Variants in AHNAK2 observed in about 807,000 individuals in gnomAD.
AHNAK2 encodes protein AHNAK2.
A neutral mutation model predicts 30.7 loss-of-function variants in AHNAK2; 18 were observed. The observed-to-expected ratio is 0.59, with a 90% CI of 0.41 to 0.87. The LOEUF (loss-of-function observed/expected upper bound fraction) is 0.87, where lower values mean the gene tolerates loss of function less well. AHNAK2 is among the 40% of genes least tolerant of loss of function. The pLI is 0.00. For synonymous variants in AHNAK2, 3,590 were observed against 3,073.8 expected, an observed-to-expected ratio of 1.17 and a Z score of -5.56; for missense variants, 8,604 against 7,373.0, an observed-to-expected ratio of 1.17 and a Z score of -6.11.
rs765202962 is a variant in AHNAK2, at chr14:104,944,369, G to A, written c.11082C>T (p.Asp3694=). ...TDLSIQPPSA[D]LKVQAGQMDV... ...CCATCTGGCCAGCCTGGACCTTCAG[G>A]TCGGCAGAAGGGGGCTGAATGCTGA... Residue 3694 remains aspartate, a synonymous_variant, in exon 7 of 7, where the codon GAC becomes GAT. Transcript: ENST00000333244. The A allele has an allele frequency of 6.2e-7, 1 of 1,612,598 alleles. No individual in the cohort carries two copies. The highest frequency in any genetic ancestry group is 1.1e-5 in the South Asian group (1 of 90,996).
intron 1 of AHNAK2, 46 bp downstream of exon 1, chr14:104,978,137 G>C (rs1899644202): frequency 2.5e-6 from 3 of 1,204,802 alleles, no homozygotes; most frequent in Non-Finnish European, 3.1e-6. Flanking sequence ...CTCGCGCGTA[G>C]CCCACCCGCC....
rs746811924 is a variant in AHNAK2, at chr14:104,942,761, G to A, written c.12690C>T (p.Ala4230=). The change falls in exon 7 of 7, where the codon GCC becomes GCT. Residue 4230 remains alanine, a synonymous_variant. Coordinates refer to ENST00000333244, the MANE Select transcript of AHNAK2 (RefSeq NM_138420.4). ...QMPCLKMPKV[A]LKGPQVDVKG... is the part of the protein sequence containing the mutation. Reference sequence around the variant, plus strand: ...TGACATCCACCTGGGGGCCCTTGAGGGCCACTTTGGGCATCTTCAAACAGG... The same window carrying A: ...TGACATCCACCTGGGGGCCCTTGAGAGCCACTTTGGGCATCTTCAAACAGG... 5.0e-6 allele frequency: 8 copies of A among 1,612,966 alleles called. No homozygotes were observed. The highest frequency in any genetic ancestry group is 1.7e-5 in the Admixed American group (1 of 59,964).
Position 104,945,349 on chromosome 14 carries a change from G to A in AHNAK2, c.10102C>T (p.Gln3368Ter). Reference sequence around the variant, plus strand: ...AGCTTCACGTCCACCTGGCCAGCCTGGACCTCCAGGTCCACAGAAGGGAGC... The same window carrying A: ...AGCTTCACGTCCACCTGGCCAGCCTAGACCTCCAGGTCCACAGAAGGGAGC... Reference protein sequence around the residue: ...IQLPSVDLEVQAGQVDVKLPE... With the variant: ...IQLPSVDLEV The change falls in exon 7 of 7, where the codon CAG (glutamine) becomes TAG (stop). Residue 3368 changes from glutamine (Q) to a stop codon, truncating the protein, a stop_gained. Transcript: ENST00000333244. LOFTEE classifies it low-confidence loss of function (END_TRUNC). The A allele has an allele frequency of 6.2e-7, 1 of 1,612,662 alleles. No individual in the cohort carries two copies. The highest frequency in any genetic ancestry group is 8.5e-7 in the Non-Finnish European group (1 of 1,179,526).
Position 104,945,681 on chromosome 14 carries a change from C to T in AHNAK2, c.9770G>A (p.Gly3257Asp), listed in dbSNP as rs1464240835. Residue 3257 changes from glycine (G) to aspartate (D), a missense_variant, in exon 7 of 7, where the codon GGC (glycine) becomes GAC (aspartate). Transcript: ENST00000333244. ...GGGGGCCGTCACATCCATCTTCGGG[C>T]CTTTCAGGTCCAGCTTGGGGCCCTT... ...DIKGPKLDLK[G>D]PKMDVTAPDV... The T allele has an allele frequency of 6.3e-7, 1 of 1,591,870 alleles. No individual in the cohort carries two copies. Among genetic ancestry groups the T allele is most frequent in the East Asian group, 2.2e-5 (1 of 44,462 alleles).
At chr14:104,968,210 G>A (rs543914319) in intron 1 of AHNAK2, among the ~76,000 whole-genome samples, 1 of 152,314 alleles carries the variant, frequency 6.6e-6, no homozygotes, top group East Asian at 1.9e-4. Flanking sequence ...ACCTTGTGGA[G>A]GGACCCCGGG....
At position 104,953,233 on chromosome 14, in the gene AHNAK2, C is replaced by T. The variant is rs775722611; in HGVS notation, c.2218G>A (p.Asp740Asn). 4 of 1,613,068 alleles carry T rather than the reference C, an allele frequency of 2.5e-6. No individual in the cohort carries two copies. Among genetic ancestry groups the T allele is most frequent in the Middle Eastern group, 1.7e-4 (1 of 6,050 alleles). Residue 740 changes from aspartate to asparagine, a missense_variant, in exon 7 of 7, where the codon GAT becomes AAT. Coordinates refer to ENST00000333244, the MANE Select transcript of AHNAK2 (RefSeq NM_138420.4). ...ADLEVQDGQVDVKLPEGPLPE... is the reference protein window; with the variant it reads ...ADLEVQDGQVNVKLPEGPLPE... Reference sequence around the variant, plus strand: ...AGGGGGCCCTCCGGAAGTTTCACATCCACTTGGCCATCCTGGACCTCCAGG... The same window carrying T: ...AGGGGGCCCTCCGGAAGTTTCACATTCACTTGGCCATCCTGGACCTCCAGG...
At chr14:104,956,081 C>T (rs867068656) in intron 4 of AHNAK2, among the ~76,000 whole-genome samples, 8 of 152,034 alleles carry the variant, frequency 5.3e-5, no homozygotes, top group African/African-American at 1.2e-4. Context: ...GTGCAGCCTG[C>T]GAGACCTGGG....
rs760627353 is a variant in AHNAK2, at chr14:104,945,136, C to T, written c.10315G>A (p.Val3439Met). ...VPDVEVSLPSVEVDVQAPRAK... is the reference protein window; with the variant it reads ...VPDVEVSLPSMEVDVQAPRAK... ...CTCGGGGCCTGGACGTCCACCTCCACGCTGGGCAGAGACACCTCCACATCA... is the reference window on the plus strand; with the variant it reads ...CTCGGGGCCTGGACGTCCACCTCCATGCTGGGCAGAGACACCTCCACATCA... The change falls in exon 7 of 7, where the codon GTG (valine) becomes ATG (methionine). Residue 3439 changes from valine (V) to methionine (M), a missense_variant. Transcript: ENST00000333244. 64 of 1,612,626 alleles carry T rather than the reference C, an allele frequency of 4.0e-5. 1 individual carries two copies. Among genetic ancestry groups the T allele is most frequent in the Middle Eastern group, 3.3e-4 (2 of 6,076 alleles).
Position 104,945,873 on chromosome 14 carries a change from A to G in AHNAK2, c.9578T>C (p.Ile3193Thr), listed in dbSNP as rs752033188. 173 of 1,314,088 alleles carry G rather than the reference A, an allele frequency of 1.3e-4. 48 individuals carry two copies. The highest frequency in any genetic ancestry group is 7.4e-6 in the Non-Finnish European group (7 of 940,254). 81.4% of individuals were successfully genotyped at this position (1,314,088 alleles called of 1,614,324 possible). Residue 3193 changes from isoleucine (I) to threonine (T), a missense_variant, in exon 7 of 7, where the codon ATT becomes ACT. Ile to Thr is a moderately conservative substitution (Grantham distance 89). Transcript: ENST00000333244. ...QGDLKNTDIS[I>T]EPPSAQLEVQ... ...CTCCAGTTGGGCAGAGGGGGGCTCA[A>G]TGCTGATGTCAGTGTTCTTCAGGTC... is the stretch of plus-strand genomic sequence containing the variant.
intron 1 of AHNAK2, among the ~76,000 whole-genome samples, chr14:104,972,126 G>A (rs1290825849): frequency 2.0e-5 from 3 of 152,224 alleles, no homozygotes; most frequent in African/African-American, 4.8e-5. Context: ...GGCACTTGCC[G>A]GCAAATGGGG....
rs779094341 is a variant in AHNAK2 at position 104,951,892 on chromosome 14, C to G, written c.3559G>C (p.Asp1187His). The stretch of plus-strand genomic sequence containing the variant: ...GCCTCCACTTTGGGTGCAGACACAT[C>G]CACCGAGGCCTCGATGGACTTGCCT... ...APGKSIEASVDVSAPKVEADV... is the reference protein window; with the variant it reads ...APGKSIEASVHVSAPKVEADV... The change falls in exon 7 of 7, where the codon GAT becomes CAT. Residue 1187 changes from aspartate to histidine, a missense_variant. By Grantham distance (81) the Asp-to-His change is moderately conservative. Transcript: ENST00000333244. The G allele has an allele frequency of 4.2e-5, 67 of 1,609,786 alleles. 2 individuals carry two copies. The highest frequency in any genetic ancestry group is 1.7e-4 in the Middle Eastern group (1 of 6,020).
At chr14:104,956,546 G>A in intron 4 of AHNAK2, 42 bp downstream of exon 4, 1 of 1,600,470 alleles carries the variant, frequency 6.2e-7, no homozygotes, top group South Asian at 1.1e-5. Context: ...ATCCCTTGAG[G>A]ACCGACACAC....
chr14:104,946,114 C>T lies in AHNAK2; in HGVS notation c.9337G>A (p.Val3113Ile), dbSNP rs368715078. 2 of 1,612,088 alleles carry T rather than the reference C, an allele frequency of 1.2e-6. No individual in the cohort carries two copies. Among genetic ancestry groups the T allele is most frequent in the African/African-American group, 1.3e-5 (1 of 74,480 alleles). Reference sequence around the variant, plus strand: ...TCCAACTTGGCTCCTGGGGCCTCGACATCCACCTCCATGCCGGGCTGAGAC... The same window carrying T: ...TCCAACTTGGCTCCTGGGGCCTCGATATCCACCTCCATGCCGGGCTGAGAC... ...EVSQPGMEVD[V>I]EAPGAKLDGA... Residue 3113 changes from valine to isoleucine, a missense_variant, in exon 7 of 7, where the codon GTC becomes ATC. Coordinates refer to ENST00000333244, the MANE Select transcript of AHNAK2 (RefSeq NM_138420.4).
rs373808765 is a variant in AHNAK2 at position 104,944,903 on chromosome 14, G to A, written c.10548C>T (p.Leu3516=). ...GCTGAATGCTGAGGTCAGTGGCCTT[G>A]AGGTCCCCCTGCATGGAGGAGAGGC... ...DVSLSSMQGD[L]KATDLSIQPP... Residue 3516 remains leucine, a synonymous_variant, in exon 7 of 7, where the codon CTC becomes CTT. Transcript: ENST00000333244. 2.5e-6 allele frequency: 4 copies of A among 1,611,092 alleles called. No individual in the cohort carries two copies. Among genetic ancestry groups the A allele is most frequent in the Non-Finnish European group, 3.4e-6 (4 of 1,178,872 alleles).
rs746056989 is a variant in AHNAK2, at chr14:104,938,828, G to T, written c.16623C>A (p.His5541Gln). 8.1e-6 allele frequency: 13 copies of T among 1,613,962 alleles called. No individual in the cohort carries two copies. Among genetic ancestry groups the T allele is most frequent in the Non-Finnish European group, 1.1e-5 (13 of 1,179,902 alleles). Residue 5541 changes from histidine to glutamine, a missense_variant, in exon 7 of 7, where the codon CAC becomes CAA. Transcript: ENST00000333244. ...QARVYTTMTQ[H>Q]SRTQEGTEEA... is the part of the protein sequence containing the mutation. ...CTTCTGTGCCCTCCTGAGTCCTAGA[G>T]TGTTGAGTCATTGTTGTGTACACTC...
chr14:104,952,406 C>T lies in AHNAK2; in HGVS notation c.3045G>A (p.Lys1015=), dbSNP rs754329390. Residue 1015 remains lysine (K), a synonymous_variant, in exon 7 of 7, where the codon AAG becomes AAA. Transcript: ENST00000333244. Reference sequence around the variant, plus strand: ...ACACATCCACCAAGGCCTTGATGGACTTCCCTGGGGCCGATACCCCGAACG... The same window carrying T: ...ACACATCCACCAAGGCCTTGATGGATTTCCCTGGGGCCGATACCCCGAACG... ...MPSFGVSAPG[K]SIKALVDVSA... 3.7e-6 allele frequency: 6 copies of T among 1,612,862 alleles called. No homozygotes were observed. The highest frequency in any genetic ancestry group is 2.2e-5 in the South Asian group (2 of 91,036).
intron 1 of AHNAK2, among the ~76,000 whole-genome samples, chr14:104,962,425 G>T (rs1279867678): frequency 6.6e-6 from 1 of 152,120 alleles, no homozygotes; most frequent in East Asian, 1.9e-4. Flanking sequence ...CTTGTTTGTT[G>T]GTTGGTTGGT....
chr14:104,944,182 C>A lies in AHNAK2; in HGVS notation c.11269G>T (p.Val3757Phe), dbSNP rs373616638. The change falls in exon 7 of 7, where the codon GTC (valine) becomes TTC (phenylalanine). Residue 3757 changes from valine to phenylalanine, a missense_variant. Physicochemically the swap from Val to Phe is conservative, Grantham distance 50. Transcript: ENST00000333244. ...KLDLKVSKAE[V>F]TAPDVEVSLP... is the part of the protein sequence containing the mutation. ...GACACCTCCACATCAGGGGCTGTGACTTCCGCCTTGGAGACTTTTAGGTCC... is the reference window on the plus strand; with the variant it reads ...GACACCTCCACATCAGGGGCTGTGAATTCCGCCTTGGAGACTTTTAGGTCC... The A allele has an allele frequency of 9.3e-6, 15 of 1,613,286 alleles. No individual in the cohort carries two copies. The African/African-American group carries it at 2.0e-4, about 22-fold the overall frequency.
chr14:104,953,797 C>G lies in AHNAK2; in HGVS notation c.1654G>C (p.Asp552His), dbSNP rs45448397. The part of the protein sequence containing the change: ...EPTTHAEAQG[D>H]EGDGEEGLQR... The stretch of plus-strand genomic sequence containing the variant: ...AGTCCTTCCTCTCCATCTCCTTCAT[C>G]CCCCTGTGCTTCTGCATGTGTGGTT... The change falls in exon 7 of 7, where the codon GAT becomes CAT. Residue 552 changes from aspartate (D) to histidine (H), a missense_variant. Transcript: ENST00000333244. 10 of 1,613,990 alleles carry G rather than the reference C, an allele frequency of 6.2e-6. No individual in the cohort carries two copies. Among genetic ancestry groups the G allele is most frequent in the Non-Finnish European group, 8.5e-6 (10 of 1,179,902 alleles).
Sources: gnomAD v4.1 joint callset for allele counts (sites outside exome capture counted in the v4.1 genomes callset) on GRCh38, gnomAD v4.1.1 for gene constraint, MANE v1.5 for transcripts, NCBI Gene and HGNC (gene_info 2026-07-23, HGNC 2026-07-21) for gene names.